The following SYNDIG1 variants were observed in gnomAD, a reference collection of about 807,000 sequenced individuals.
SYNDIG1 encodes the protein synapse differentiation inducing 1.
In SYNDIG1, 9 loss-of-function variants were observed where a neutral mutation model predicts 19.4. The observed-to-expected ratio is 0.46, with a 90% confidence interval of 0.28 to 0.81. SYNDIG1 has a LOEUF of 0.81. SYNDIG1 is among the 30% of genes least tolerant of loss of function. The pLI, the probability that SYNDIG1 is intolerant of heterozygous loss-of-function variation, is 0.12. For missense variants in SYNDIG1, 311 were observed against 343.3 expected, an observed-to-expected ratio of 0.91 and a Z score of 0.74; for synonymous variants, 141 against 145.9, an observed-to-expected ratio of 0.97 and a Z score of 0.24.
At chr20:24,662,852 T>C (rs1600845933) in intron 3 of SYNDIG1, among the ~76,000 whole-genome samples, 1 of 152,252 alleles carries the variant, frequency 6.6e-6, no homozygotes, top group South Asian at 2.1e-4. Flanking sequence ...TTTTTGCACC[T>C]ACACACAAAG....
chr20:24,556,825 T>C (rs1600616572), intron 2 of SYNDIG1, among the ~76,000 whole-genome samples: 3 of 152,342 alleles, frequency 2.0e-5, no homozygotes, highest in African/African-American at 7.2e-5. Context: ...TGGCATTCTC[T>C]GTATTTCCTG....
intron 3 of SYNDIG1, among the ~76,000 whole-genome samples, chr20:24,634,167 G>A (rs76991675): frequency 0.014 from 2,204 of 152,298 alleles, 25 homozygotes; most frequent in African/African-American, 0.04. Context: ...ATCAATGTGT[G>A]TGTGGGCAGT....
chr20:24,566,340 C>A (rs1332902187), intron 2 of SYNDIG1, among the ~76,000 whole-genome samples: 2 of 151,990 alleles, frequency 1.3e-5, no homozygotes, highest in Non-Finnish European at 2.9e-5. Context: ...GCTGATTCAT[C>A]TAAGATATAA....
intron 3 of SYNDIG1, among the ~76,000 whole-genome samples, chr20:24,601,815 T>C (rs2147126418): frequency 6.6e-6 from 1 of 152,304 alleles, no homozygotes; most frequent in East Asian, 1.9e-4. Context: ...GAACATCCTT[T>C]AGAATTTCCT....
At chr20:24,578,484 A>AT (rs2058268373) in intron 2 of SYNDIG1, among the ~76,000 whole-genome samples, 1 of 151,738 alleles carries the variant, frequency 6.6e-6, no homozygotes, top group Non-Finnish European at 1.5e-5. Context: ...AGAAAAAAAA[A>AT]GGAAGAGAGT....
rs2058125763 is a variant in SYNDIG1, at chr20:24,570,611, G to A, written c.481-14245G>A. On this transcript the variant is annotated intron_variant, in intron 2 of 3. Coordinates refer to ENST00000376862, the MANE Select transcript of SYNDIG1 (RefSeq NM_024893.3). Reference sequence around the variant, plus strand: ...ACTAAAACCATGATTATATACCACTGCACACCTCAGAATAGCTAAAATCCA... The same window carrying A: ...ACTAAAACCATGATTATATACCACTACACACCTCAGAATAGCTAAAATCCA... 2.0e-5 allele frequency among the ~76,000 whole-genome samples: 3 copies of A among 152,136 alleles called. No individual in the cohort carries two copies. The South Asian group carries it at 6.2e-4, about 32-fold the overall frequency.
chr20:24,582,581 G>T (rs187199324), intron 2 of SYNDIG1, among the ~76,000 whole-genome samples: 102 of 151,038 alleles, frequency 6.8e-4, no homozygotes, highest in African/African-American at 2.4e-3. Flanking sequence ...GCAGATTCCA[G>T]ACTCCAGCAC....
At chr20:24,567,199 A>T (rs749627764) in intron 2 of SYNDIG1, among the ~76,000 whole-genome samples, 76 of 151,918 alleles carry the variant, frequency 5.0e-4, no homozygotes, top group Admixed American at 8.5e-4. Context: ...GGAAACAGGG[A>T]CTCTCCAGAA....
chr20:24,555,653 C>T (rs2057798956), intron 2 of SYNDIG1, among the ~76,000 whole-genome samples: 1 of 152,126 alleles, frequency 6.6e-6, no homozygotes, highest in South Asian at 2.1e-4. Context: ...AGTTTGATTG[C>T]ACTGTGGTCT....
At chr20:24,531,229 T>C (rs1269792459) in intron 1 of SYNDIG1, among the ~76,000 whole-genome samples, 1 of 152,220 alleles carries the variant, frequency 6.6e-6, no homozygotes, top group East Asian at 1.9e-4. Flanking sequence ...CTGCACAATA[T>C]AATCGGCATT....
chr20:24,603,387 T>C (rs1192382509), intron 3 of SYNDIG1, among the ~76,000 whole-genome samples: 2 of 152,022 alleles, frequency 1.3e-5, no homozygotes, highest in Non-Finnish European at 2.9e-5. Flanking sequence ...AGCTCTGCCA[T>C]TGAGCAGGGA....
intron 3 of SYNDIG1, among the ~76,000 whole-genome samples, chr20:24,614,144 A>ACCACCATGC (rs2058892062): frequency 6.6e-6 from 1 of 152,038 alleles, no homozygotes; most frequent in Non-Finnish European, 1.5e-5. Context: ...ATAGGCACAC[A>ACCACCATGC]CCACCATGCC....
At chr20:24,550,657 C>T (rs148428259) in intron 2 of SYNDIG1, among the ~76,000 whole-genome samples, 1,756 of 152,070 alleles carry the variant, frequency 0.012, 32 homozygotes, top group African/African-American at 0.04. Context: ...TACAGGCGCC[C>T]GCCACCATGC....
At chr20:24,641,744 C>T (rs553042482) in intron 3 of SYNDIG1, among the ~76,000 whole-genome samples, 2 of 152,248 alleles carry the variant, frequency 1.3e-5, no homozygotes, top group African/African-American at 4.8e-5. Flanking sequence ...AAGGATGGAG[C>T]ACGGAGTGTG....
intron 1 of SYNDIG1, among the ~76,000 whole-genome samples, chr20:24,486,165 G>A (rs992860236): frequency 6.6e-5 from 10 of 152,318 alleles, no homozygotes; most frequent in African/African-American, 2.2e-4. Context: ...GGAAGACTGG[G>A]TGTATTTATG....
At chr20:24,548,955 A>G (rs2057646980) in intron 2 of SYNDIG1, among the ~76,000 whole-genome samples, 2 of 151,930 alleles carry the variant, frequency 1.3e-5, no homozygotes. Context: ...AATAAATGGG[A>G]TATTCATATT....
chr20:24,642,403 C>A (rs753924347), intron 3 of SYNDIG1, among the ~76,000 whole-genome samples: 1 of 152,154 alleles, frequency 6.6e-6, no homozygotes, highest in Non-Finnish European at 1.5e-5. Context: ...CTCTTTCCCC[C>A]TTCCCATGCT....
chr20:24,475,138 G>A (rs1385240533), intron 1 of SYNDIG1, among the ~76,000 whole-genome samples: 1 of 152,180 alleles, frequency 6.6e-6, no homozygotes, highest in Non-Finnish European at 1.5e-5. Flanking sequence ...TCACATGTTG[G>A]TGGTACAGAC....
intron 1 of SYNDIG1, among the ~76,000 whole-genome samples, chr20:24,489,172 A>C (rs1279984559): frequency 2.6e-5 from 4 of 152,080 alleles, no homozygotes; most frequent in Admixed American, 1.3e-4. Context: ...GGGCACACAC[A>C]CATACACATG....
Sources: gnomAD v4.1 joint callset for allele counts (sites outside exome capture counted in the v4.1 genomes callset) on GRCh38, gnomAD v4.1.1 for gene constraint, MANE v1.5 for transcripts, NCBI Gene and HGNC (gene_info 2026-07-23, HGNC 2026-07-21) for gene names.